LPCAT2: variants seen among roughly 807,000 people sequenced by gnomAD.
The protein encoded by LPCAT2 is 1-AGP acyltransferase 11.
Under a neutral mutation model 64.7 loss-of-function variants are expected in LPCAT2, and 58 were observed. The ratio of observed to expected loss-of-function variants is 0.90; its 90% CI spans 0.73 to 1.12. The LOEUF (loss-of-function observed/expected upper bound fraction) is 1.12, where lower values mean the gene tolerates loss of function less well. LPCAT2 is among the 50% of genes most tolerant of loss of function. LPCAT2 has a pLI of 0.00. For synonymous variants in LPCAT2, 252 were observed against 245.3 expected (o/e 1.03, Z -0.26); for missense variants, 579 against 669.8 (o/e 0.86, Z 1.50).
intron 11 of LPCAT2, among the ~76,000 whole-genome samples, chr16:55,567,850 G>A (rs1191960229): frequency 2.0e-5 from 3 of 152,050 alleles, no homozygotes; most frequent in Non-Finnish European, 4.4e-5. Context: ...TATTATTGTT[G>A]TTATTGTTGT....
chr16:55,549,444 C>T (rs776194001), intron 10 of LPCAT2, 42 bp downstream of exon 10: 2 of 1,523,824 alleles, frequency 1.3e-6, no homozygotes, highest in Admixed American at 4.7e-5. Context: ...TAAAGTTGTC[C>T]AAAAGGGATC....
At chr16:55,544,853 C>T (rs1225086084) in intron 8 of LPCAT2, among the ~76,000 whole-genome samples, 1 of 152,058 alleles carries the variant, frequency 6.6e-6, no homozygotes, top group Non-Finnish European at 1.5e-5. Context: ...TGAATTCTGG[C>T]CATGTGACTT....
At chr16:55,533,471 C>T (rs762598543) in intron 6 of LPCAT2, among the ~76,000 whole-genome samples, 3 of 128,046 alleles carry the variant, frequency 2.3e-5, no homozygotes, top group African/African-American at 6.1e-5. Context: ...AGTACAATGG[C>T]GTGATCTTGG....
At chr16:55,582,771 C>A (rs1963900807) in intron 13 of LPCAT2, 143 bp from the exon 14 acceptor site, 3 of 596,600 alleles carry the variant, frequency 5.0e-6, no homozygotes, top group East Asian at 2.8e-5. Flanking sequence ...AGTGGTTGTA[C>A]AACTTATATT....
intron 9 of LPCAT2, 103 bp from the exon 10 acceptor site, chr16:55,549,173 AC>A: frequency 1.1e-6 from 1 of 878,080 alleles, no homozygotes; most frequent in Non-Finnish European, 1.7e-6. Context: ...AGTAGTAAAT[AC>A]TTTTTCATTT....
At chr16:55,573,386 G>GTT (rs200276244) in intron 11 of LPCAT2, among the ~76,000 whole-genome samples, 1 of 122,664 alleles carries the variant, frequency 8.2e-6, no homozygotes, top group Non-Finnish European at 1.9e-5. Context: ...AGTTGTGTTT[G>GTT]TTTTTTTGTT....
chr16:55,519,123 G>A (rs1963055342), intron 1 of LPCAT2, among the ~76,000 whole-genome samples: 1 of 152,028 alleles, frequency 6.6e-6, no homozygotes, highest in African/African-American at 2.4e-5. Context: ...TGTATCTAAT[G>A]AAAATATTAT....
rs1272554410 is a variant in LPCAT2, at chr16:55,525,526, A to T, written c.190A>T (p.Ile64Phe). 1.2e-6 allele frequency: 2 copies of T among 1,607,902 alleles called. No individual in the cohort carries two copies. Among genetic ancestry groups the T allele is most frequent in the Non-Finnish European group, 1.7e-6 (2 of 1,177,352 alleles). The change falls in exon 2 of 14, where the codon ATC (isoleucine) becomes TTC (phenylalanine). Residue 64 changes from isoleucine (I) to phenylalanine (F), a missense_variant. Transcript: ENST00000262134. ...RRVQIVLLGI[I>F]LLPIRVLLVA... is the part of the protein sequence containing the mutation. Reference sequence around the variant, plus strand: ...CTTTCAGATTGTCCTTCTTGGGATTATCTTGCTTCCAATTCGTGTCTTATT... The same window carrying T: ...CTTTCAGATTGTCCTTCTTGGGATTTTCTTGCTTCCAATTCGTGTCTTATT...
intron 1 of LPCAT2, among the ~76,000 whole-genome samples, chr16:55,523,427 C>T (rs531471073): frequency 2.0e-5 from 3 of 151,678 alleles, no homozygotes; most frequent in African/African-American, 4.8e-5. Flanking sequence ...GCCCTATGAC[C>T]CAATAATTTT....
At chr16:55,579,266 C>A (rs547185985) in intron 13 of LPCAT2, 22 bp downstream of exon 13, 1 of 1,607,998 alleles carries the variant, frequency 6.2e-7, no homozygotes, top group South Asian at 1.1e-5. Flanking sequence ...ATCTGGCCTC[C>A]TGACTTAGTT....
At chr16:55,568,160 C>A (rs200613766) in intron 11 of LPCAT2, among the ~76,000 whole-genome samples, 1 of 152,102 alleles carries the variant, frequency 6.6e-6, no homozygotes, top group South Asian at 2.1e-4. Context: ...AAAAAAAGCA[C>A]TAGCAATTTT....
intron 10 of LPCAT2, among the ~76,000 whole-genome samples, chr16:55,550,304 T>C (rs1225211137): frequency 6.6e-6 from 1 of 152,166 alleles, no homozygotes; most frequent in Non-Finnish European, 1.5e-5. Context: ...CATTTTCCAG[T>C]GTTTTATCAC....
chr16:55,510,296 T>C lies in LPCAT2; in HGVS notation c.171+944T>C, dbSNP rs578190107. ...ATTGTTAAAAATGGCTATACTGTTA[T>C]GCACAAAGGAAGTTTCCTTTCCTTT... On this transcript the variant is annotated intron_variant, in intron 1 of 13. Coordinates refer to ENST00000262134, the MANE Select transcript of LPCAT2 (RefSeq NM_017839.5). Among the ~76,000 whole-genome samples, 394 of 152,284 alleles carry C rather than the reference T, an allele frequency of 2.6e-3. 2 individuals are homozygous for C. The highest frequency in any genetic ancestry group is 0.02 in the Middle Eastern group (6 of 294).
At chr16:55,576,120 G>A (rs889765432) in intron 12 of LPCAT2, among the ~76,000 whole-genome samples, 1 of 151,112 alleles carries the variant, frequency 6.6e-6, no homozygotes, top group African/African-American at 2.4e-5. Context: ...TGAGATTTTT[G>A]TCTAGCCTAG....
At chr16:55,541,059 C>T (rs1234421764) in intron 8 of LPCAT2, 1 of 152,020 alleles carries the variant, frequency 6.6e-6, no homozygotes, top group Non-Finnish European at 1.5e-5. Flanking sequence ...GAATGGCATG[C>T]AATTTAAACT....
chr16:55,569,970 A>T (rs910898551), intron 11 of LPCAT2, among the ~76,000 whole-genome samples: 1 of 152,234 alleles, frequency 6.6e-6, no homozygotes. Context: ...ATAGCCTAAG[A>T]TTTATATAAT....
chr16:55,533,171 C>T (rs1283275388), intron 6 of LPCAT2, among the ~76,000 whole-genome samples: 1 of 152,060 alleles, frequency 6.6e-6, no homozygotes, highest in African/African-American at 2.4e-5. Flanking sequence ...AGATTAGGGT[C>T]TCATTAGAAT....
intron 11 of LPCAT2, among the ~76,000 whole-genome samples, chr16:55,555,156 A>G (rs1963560037): frequency 6.6e-6 from 1 of 152,256 alleles, no homozygotes; most frequent in African/African-American, 2.4e-5. Context: ...TTGCTCATAC[A>G]GGGTTGTTAC....
intron 13 of LPCAT2, among the ~76,000 whole-genome samples, chr16:55,581,841 C>A (rs1015105238): frequency 2.0e-5 from 3 of 152,144 alleles, no homozygotes; most frequent in Non-Finnish European, 4.4e-5. Context: ...GATTGAGGTT[C>A]AAGTCCTGAT....
Sources: gnomAD v4.1 joint callset for allele counts (sites outside exome capture counted in the v4.1 genomes callset) on GRCh38, gnomAD v4.1.1 for gene constraint, MANE v1.5 for transcripts, NCBI Gene and HGNC (gene_info 2026-07-23, HGNC 2026-07-21) for gene names.